Variants in SRRM3 observed in about 807,000 individuals in gnomAD.
SRRM3 encodes serine/arginine repetitive matrix 3.
Under a neutral mutation model 66.2 loss-of-function variants are expected in SRRM3, and 27 were observed. That is an observed-to-expected ratio of 0.41 (90% CI 0.30 to 0.56). The LOEUF (loss-of-function observed/expected upper bound fraction) is 0.56. Ranked by LOEUF, SRRM3 falls within the 20% of genes least tolerant of loss-of-function variation. SRRM3 has a pLI of 0.32. For synonymous variants in SRRM3, 391 were observed against 414.9 expected (o/e 0.94, Z 0.70); for missense variants, 918 against 991.9 (o/e 0.93, Z 1.00).
chr7:76,284,926 C>T (rs377345065), intron 14 of SRRM3, among the ~76,000 whole-genome samples: 2 of 152,248 alleles, frequency 1.3e-5, no homozygotes, highest in East Asian at 1.9e-4. Flanking sequence ...TTGTTCCTTT[C>T]GAGTGACCTG....
Position 76,282,823 on chromosome 7 carries a change from C to G in SRRM3, c.1546C>G (p.Arg516Gly), listed in dbSNP as rs868916981. The change falls in exon 13 of 15, where the codon CGG becomes GGG. Residue 516 changes from arginine to glycine, a missense_variant. Physicochemically the swap from Arg to Gly is moderately radical, Grantham distance 125. Coordinates refer to ENST00000611745, the MANE Select transcript of SRRM3 (RefSeq NM_001110199.3). ...ATCTCGCTCGCGCTCTGCGGAGAAG[C>G]GGCCCCACAGCCCCAGCCGCTCGCC... The part of the protein sequence containing the change: ...SKSRSRSAEK[R>G]PHSPSRSPSP... 1 of 1,462,518 alleles carries G rather than the reference C, an allele frequency of 6.8e-7. No homozygotes were observed. Among genetic ancestry groups the G allele is most frequent in the Non-Finnish European group, 9.0e-7 (1 of 1,112,868 alleles). 90.6% of individuals were successfully genotyped at this position (1,462,518 alleles called of 1,614,324 possible).
chr7:76,269,633 T>G (rs1247814874), intron 11 of SRRM3: 1 of 152,178 alleles, frequency 6.6e-6, no homozygotes, highest in Non-Finnish European at 1.5e-5. Flanking sequence ...TTGTTTGTTT[T>G]TTAGCCTCCC....
At chr7:76,252,714 C>T (rs80129698) in intron 3 of SRRM3, among the ~76,000 whole-genome samples, 6,633 of 152,230 alleles carry the variant, frequency 0.044, 356 homozygotes, top group African/African-American at 0.13. Flanking sequence ...TTAGACTCAA[C>T]GTATATGCTT....
intron 2 of SRRM3, among the ~76,000 whole-genome samples, chr7:76,242,691 T>G (rs1249281372): frequency 6.6e-6 from 1 of 152,140 alleles, no homozygotes; most frequent in East Asian, 1.9e-4. Context: ...CAGTCCCATC[T>G]GGGGTGATGG....
At chr7:76,234,777 T>C (rs1801099430) in intron 1 of SRRM3, among the ~76,000 whole-genome samples, 1 of 152,104 alleles carries the variant, frequency 6.6e-6, no homozygotes, top group Admixed American at 6.6e-5. Flanking sequence ...CCAATGGCTC[T>C]TAGAGGCCAT....
intron 1 of SRRM3, among the ~76,000 whole-genome samples, chr7:76,225,197 T>C (rs926212438): frequency 6.6e-6 from 1 of 152,214 alleles, no homozygotes; most frequent in African/African-American, 2.4e-5. Flanking sequence ...AGCCAGAATT[T>C]AAGCTAAAGT....
rs1802089099 is a variant in SRRM3, at chr7:76,267,290, A to G, written c.863A>G (p.Lys288Arg). 2.6e-6 allele frequency: 4 copies of G among 1,556,704 alleles called. No homozygotes were observed. Among genetic ancestry groups the G allele is most frequent in the Middle Eastern group, 3.4e-4 (2 of 5,916 alleles). Reference protein sequence around the residue: ...LSPKHRDEGRKTGSQRSSGSR... With the variant: ...LSPKHRDEGRRTGSQRSSGSR... Reference sequence around the variant, plus strand: ...CCCAAGCACCGAGACGAAGGGCGAAAGACGGGCAGCCAGCGGTCCAGCGGA... The same window carrying G: ...CCCAAGCACCGAGACGAAGGGCGAAGGACGGGCAGCCAGCGGTCCAGCGGA... Residue 288 changes from lysine to arginine, a missense_variant, in exon 11 of 15, where the codon AAG (lysine) becomes AGG (arginine). Lys to Arg is a conservative substitution (Grantham distance 26). Transcript: ENST00000611745.
At chr7:76,263,920 C>T (rs1281064107) in intron 8 of SRRM3, among the ~76,000 whole-genome samples, 2 of 143,078 alleles carry the variant, frequency 1.4e-5, no homozygotes, top group African/African-American at 5.3e-5. Flanking sequence ...GGACATCATG[C>T]CCTTGGGAAA....
At chr7:76,207,245 T>TGAAC (rs1202539678) in intron 1 of SRRM3, among the ~76,000 whole-genome samples, 3 of 151,982 alleles carry the variant, frequency 2.0e-5, no homozygotes, top group African/African-American at 7.3e-5. Flanking sequence ...AAGGATCTAG[T>TGAAC]GAACTATAAT....
intron 11 of SRRM3, among the ~76,000 whole-genome samples, chr7:76,278,494 A>AT (rs1267858980): frequency 1.3e-5 from 2 of 152,054 alleles, no homozygotes; most frequent in African/African-American, 4.8e-5. Flanking sequence ...CTCAAAAATA[A>AT]TAAAAAAATA....
chr7:76,211,585 C>T (rs1443292152), intron 1 of SRRM3, among the ~76,000 whole-genome samples: 1 of 152,040 alleles, frequency 6.6e-6, no homozygotes. Flanking sequence ...AGGGGGCCTG[C>T]GGTGTGTTTT....
chr7:76,215,252 G>A (rs1469964852), intron 1 of SRRM3, among the ~76,000 whole-genome samples: 2 of 151,740 alleles, frequency 1.3e-5, no homozygotes, highest in Non-Finnish European at 2.9e-5. Flanking sequence ...ACTATGAAAT[G>A]CATCCTACGT....
intron 1 of SRRM3, among the ~76,000 whole-genome samples, chr7:76,215,064 A>G (rs2116947243): frequency 6.6e-6 from 1 of 151,768 alleles, no homozygotes; most frequent in East Asian, 1.9e-4. Flanking sequence ...AAAAAACAGG[A>G]AAGATGAGCA....
At chr7:76,270,921 G>T (rs1802194515) in intron 11 of SRRM3, among the ~76,000 whole-genome samples, 1 of 149,678 alleles carries the variant, frequency 6.7e-6, no homozygotes, top group Non-Finnish European at 1.5e-5. Flanking sequence ...GTTGCAGTGA[G>T]CTGAGATTGT....
chr7:76,236,949 C>T (rs78560915), intron 2 of SRRM3, among the ~76,000 whole-genome samples: 3 of 152,152 alleles, frequency 2.0e-5, no homozygotes, highest in South Asian at 4.1e-4. Flanking sequence ...AACCTCAGGT[C>T]GTGAATTAAA....
chr7:76,282,565 A>AC, intron 12 of SRRM3, 83 bp from the exon 13 acceptor site: 2 of 579,778 alleles, frequency 3.4e-6, no homozygotes. Context: ...CTCCGCCCTA[A>AC]GCCCCGCCCC....
At chr7:76,259,299 C>T (rs1180944525) in intron 3 of SRRM3, among the ~76,000 whole-genome samples, 2 of 151,872 alleles carry the variant, frequency 1.3e-5, no homozygotes, top group Non-Finnish European at 2.9e-5. Context: ...ACCCCACCCA[C>T]GACTGCAGGG....
chr7:76,235,551 C>T (rs117063351), intron 2 of SRRM3, among the ~76,000 whole-genome samples: 1 of 152,180 alleles, frequency 6.6e-6, no homozygotes, highest in East Asian at 1.9e-4. Context: ...TAGGTTGTTG[C>T]AAAAGTAATC....
intron 5 of SRRM3, 142 bp from the exon 6 acceptor site, chr7:76,260,732 C>A: frequency 1.3e-6 from 1 of 769,762 alleles, no homozygotes; most frequent in Non-Finnish European, 2.2e-6. Context: ...TGCGAGTGGC[C>A]CTGGGGAGGA....
Sources: allele counts gnomAD v4.1 joint callset (sites outside exome capture counted in the v4.1 genomes callset), GRCh38; gene constraint gnomAD v4.1.1; transcripts MANE v1.5; gene names NCBI Gene and HGNC (gene_info 2026-07-23, HGNC 2026-07-21).